Variants in SUSD4 observed in about 807,000 individuals in gnomAD.
SUSD4 encodes sushi domain-containing protein 4.
SUSD4 carries 41 observed loss-of-function variants against 50.5 expected under a neutral mutation model. That is an observed-to-expected ratio of 0.81 (90% confidence interval 0.63 to 1.05). The LOEUF (loss-of-function observed/expected upper bound fraction) is 1.05, where lower values mean the gene tolerates loss of function less well. SUSD4 is among the 50% of genes least tolerant of loss of function. The pLI is 0.00. For synonymous variants in SUSD4, 257 were observed against 257.3 expected, an observed-to-expected ratio of 1.00 and a Z score of 0.01; for missense variants, 580 against 634.7, an observed-to-expected ratio of 0.91 and a Z score of 0.93.
At chr1:223,337,361 G>GAATGAA (rs1558262466) in intron 2 of SUSD4, among the ~76,000 whole-genome samples, 1 of 152,140 alleles carries the variant, frequency 6.6e-6, no homozygotes, top group African/African-American at 2.4e-5. Flanking sequence ...TACAATGCAT[G>GAATGAA]AATGAATGAA....
chr1:223,330,308 C>T (rs529901537), intron 2 of SUSD4, among the ~76,000 whole-genome samples: 2 of 152,138 alleles, frequency 1.3e-5, no homozygotes, highest in Non-Finnish European at 2.9e-5. Flanking sequence ...CCAGCTAAAC[C>T]ACAATCCACA....
chr1:223,283,081 C>A (rs763791951), intron 3 of SUSD4, among the ~76,000 whole-genome samples: 8 of 152,156 alleles, frequency 5.3e-5, no homozygotes, highest in Non-Finnish European at 8.8e-5. Context: ...AAATTAAATT[C>A]AAGATGGATT....
At chr1:223,230,861 T>C (rs1364792558) in intron 5 of SUSD4, 1 of 152,302 alleles carries the variant, frequency 6.6e-6, no homozygotes, top group East Asian at 1.9e-4. Flanking sequence ...TCCTCAGCTG[T>C]ACAACAAGAG....
chr1:223,235,108 A>C (rs758443636), intron 5 of SUSD4: 2 of 1,594,030 alleles, frequency 1.3e-6, no homozygotes, highest in Non-Finnish European at 1.7e-6. Flanking sequence ...CTCCTGAAAA[A>C]AAGAAGTGTA....
chr1:223,333,942 C>A (rs1382783284), intron 2 of SUSD4, among the ~76,000 whole-genome samples: 1 of 152,108 alleles, frequency 6.6e-6, no homozygotes, highest in Non-Finnish European at 1.5e-5. Flanking sequence ...CTCCCACATT[C>A]CCCTACCTCC....
intron 2 of SUSD4, among the ~76,000 whole-genome samples, chr1:223,295,020 A>G (rs932739848): frequency 1.3e-5 from 2 of 152,154 alleles, no homozygotes; most frequent in African/African-American, 4.8e-5. Context: ...TGAAACATAT[A>G]TTTATGAATA....
Position 223,264,743 on chromosome 1 carries a change from G to C in SUSD4, c.611C>G (p.Thr204Ser). 1 of 1,614,232 alleles carries C rather than the reference G, an allele frequency of 6.2e-7. No individual in the cohort carries two copies. Among genetic ancestry groups the C allele is most frequent in the Non-Finnish European group, 8.5e-7 (1 of 1,180,044 alleles). The change falls in exon 5 of 9, where the codon ACT becomes AGT. Residue 204 changes from threonine (T) to serine (S), a missense_variant. Coordinates refer to ENST00000366878, the MANE Select transcript of SUSD4 (RefSeq NM_017982.4). ...GGGAAAGCAGCGATAGGAGATCACA[G>C]TCCCCACCGGGAAGGAGGTCTGGAG... is the stretch of plus-strand genomic sequence containing the variant. ...SELQTSFPVG[T>S]VISYRCFPGF...
chr1:223,362,214 A>AT (rs1416921995), intron 2 of SUSD4, among the ~76,000 whole-genome samples: 3 of 152,164 alleles, frequency 2.0e-5, no homozygotes, highest in African/African-American at 7.2e-5. Context: ...AGCCCAACTT[A>AT]TTACACCTCT....
intron 6 of SUSD4, among the ~76,000 whole-genome samples, chr1:223,228,295 C>T (rs902191099): frequency 2.0e-5 from 3 of 152,212 alleles, no homozygotes; most frequent in African/African-American, 7.2e-5. Context: ...GCACAGGCCA[C>T]CCTGTCTCTT....
chr1:223,254,368 T>C (rs879564758), intron 5 of SUSD4, among the ~76,000 whole-genome samples: 3 of 152,018 alleles, frequency 2.0e-5, no homozygotes, highest in African/African-American at 2.4e-5. Flanking sequence ...TCTCTGCACT[T>C]ACACGGGATT....
chr1:223,259,209 A>T (rs1242158644), intron 5 of SUSD4, among the ~76,000 whole-genome samples: 1 of 152,238 alleles, frequency 6.6e-6, no homozygotes, highest in Admixed American at 6.5e-5. Context: ...CCTCAGAGGC[A>T]CTTACGTGAA....
chr1:223,254,165 G>C (rs1445102882), intron 5 of SUSD4, among the ~76,000 whole-genome samples: 1 of 152,230 alleles, frequency 6.6e-6, no homozygotes, highest in Non-Finnish European at 1.5e-5. Context: ...GGCTTGGGTA[G>C]AGTTGGGCTT....
intron 5 of SUSD4, among the ~76,000 whole-genome samples, chr1:223,232,090 A>T (rs938286432): frequency 1.3e-5 from 2 of 152,232 alleles, no homozygotes; most frequent in African/African-American, 4.8e-5. Context: ...ATACTGCATG[A>T]TTTCACTTAT....
Position 223,223,377 on chromosome 1 carries a change from A to T in SUSD4, c.1316T>A (p.Leu439Gln). 6.2e-7 allele frequency: 1 copy of T among 1,613,782 alleles called. No individual in the cohort carries two copies. Among genetic ancestry groups the T allele is most frequent in the South Asian group, 1.1e-5 (1 of 91,014 alleles). Residue 439 changes from leucine to glutamine, a missense_variant, in exon 8 of 9, where the codon CTG becomes CAG. Physicochemically the swap from Leu to Gln is moderately radical, Grantham distance 113 (BLOSUM62 -2). Coordinates refer to ENST00000366878, the MANE Select transcript of SUSD4 (RefSeq NM_017982.4). ...GGGAGGTGAATACAGACTTTGGAGC[A>T]GCTCAGAAGAGCCTGAGACGCTGTC... Reference protein sequence around the residue: ...TCDSVSGSSELLQSLYSPPRC... With the variant: ...TCDSVSGSSEQLQSLYSPPRC...
intron 2 of SUSD4, 61 bp from the exon 3 acceptor site, chr1:223,292,712 T>C: frequency 6.4e-7 from 1 of 1,561,942 alleles, no homozygotes; most frequent in Non-Finnish European, 8.7e-7. Context: ...CCAAGGGCCT[T>C]CCTACATAAA....
rs1460731686 is a variant in SUSD4 at position 223,227,378 on chromosome 1, T to C, written c.1061+216A>G. Among the ~76,000 whole-genome samples, 2 of 152,156 alleles carry C rather than the reference T, an allele frequency of 1.3e-5. No individual in the cohort carries two copies. The highest frequency in any genetic ancestry group is 2.9e-5 in the Non-Finnish European group (2 of 68,034). ...CCATGATGCCCACCTGCAAATGGTCTACTGCAGGAAGGAGGGAGAGAGGTA... is the reference window on the plus strand; with the variant it reads ...CCATGATGCCCACCTGCAAATGGTCCACTGCAGGAAGGAGGGAGAGAGGTA... On this transcript the variant is annotated intron_variant, in intron 7 of 8. Transcript: ENST00000366878. This position sits in a 1 kb window ranked among gnomAD's most constrained non-coding sequence, Gnocchi z 4.5.
At chr1:223,305,919 G>C (rs1665510292) in intron 2 of SUSD4, among the ~76,000 whole-genome samples, 5 of 152,204 alleles carry the variant, frequency 3.3e-5, no homozygotes, top group Admixed American at 2.0e-4. Context: ...CTGAATATTT[G>C]GATGCTAATC....
At chr1:223,333,734 T>C (rs1572082130) in intron 2 of SUSD4, among the ~76,000 whole-genome samples, 1 of 152,264 alleles carries the variant, frequency 6.6e-6, no homozygotes, top group East Asian at 1.9e-4. Flanking sequence ...GGTGCAGGGC[T>C]GAAAGCAGAG....
intron 2 of SUSD4, among the ~76,000 whole-genome samples, chr1:223,311,735 AG>A (rs1225085366): frequency 6.6e-6 from 1 of 152,360 alleles, no homozygotes; most frequent in South Asian, 2.1e-4. Context: ...TCTACAACAT[AG>A]AAGCAAATAA....
Sources: gnomAD v4.1 joint callset for allele counts (sites outside exome capture counted in the v4.1 genomes callset) on GRCh38, gnomAD v4.1.1 for gene constraint, Gnocchi (gnomAD v3.1) non-coding constraint, MANE v1.5 for transcripts, NCBI Gene and HGNC (gene_info 2026-07-23, HGNC 2026-07-21) for gene names.